The following MALRD1 variants were observed in gnomAD, a reference collection of about 807,000 sequenced individuals.
MALRD1 encodes MAM and LDL receptor class A domain containing 1, also known as MAM and LDL-receptor class A domain-containing protein 1.
Under a neutral mutation model 242.1 loss-of-function variants are expected in MALRD1, and 247 were observed. The observed-to-expected ratio is 1.02, with a 90% CI of 0.92 to 1.13. The LOEUF is 1.13. Among genes scored for constraint, MALRD1 ranks in the 50% most tolerant of loss-of-function variants. The pLI is 0.00. For synonymous variants in MALRD1, 995 were observed against 866.6 expected (o/e 1.15, Z -2.60); for missense variants, 2,989 against 2,533.1 (o/e 1.18, Z -3.86).
At chr10:19,118,492 A>G (rs955852032) in intron 5 of MALRD1, among the ~76,000 whole-genome samples, 1 of 152,182 alleles carries the variant, frequency 6.6e-6, no homozygotes, top group Non-Finnish European at 1.5e-5. Flanking sequence ...CCATTGGTTG[A>G]GTTATTATCT....
chr10:19,051,616 A>G (rs1247256518), intron 1 of MALRD1: 1 of 155,370 alleles, frequency 6.4e-6, no homozygotes, highest in African/African-American at 2.4e-5. Flanking sequence ...TTGGACCTCC[A>G]AGAACAATTT....
chr10:19,186,163 GA>G (rs751529720), intron 14 of MALRD1, among the ~76,000 whole-genome samples: 1 of 151,934 alleles, frequency 6.6e-6, no homozygotes. Flanking sequence ...TCTCTGTAGG[GA>G]AAAAAGGCTA....
chr10:19,418,946 A>G (rs931260666), intron 28 of MALRD1, among the ~76,000 whole-genome samples: 1 of 152,126 alleles, frequency 6.6e-6, no homozygotes, highest in Non-Finnish European at 1.5e-5. Context: ...CTTGAAAGCT[A>G]TTCTGTCTAT....
intron 14 of MALRD1, among the ~76,000 whole-genome samples, chr10:19,182,512 A>G (rs374711278): frequency 6.6e-6 from 1 of 150,828 alleles, no homozygotes; most frequent in Non-Finnish European, 1.5e-5. Flanking sequence ...GTATTTTTTT[A>G]GTAGAGACGG....
At chr10:19,678,860 G>C (rs1168602067) in intron 36 of MALRD1, among the ~76,000 whole-genome samples, 1 of 152,078 alleles carries the variant, frequency 6.6e-6, no homozygotes, top group Non-Finnish European at 1.5e-5. Flanking sequence ...TAACAGGAAG[G>C]GATGTGGTAT....
chr10:19,234,113 A>T (rs924024119), intron 18 of MALRD1, among the ~76,000 whole-genome samples: 1 of 152,152 alleles, frequency 6.6e-6, no homozygotes. Flanking sequence ...TAAAATTTAA[A>T]TTAAATTAGG....
intron 33 of MALRD1, among the ~76,000 whole-genome samples, chr10:19,576,050 AG>A (rs1836806930): frequency 6.6e-6 from 1 of 152,238 alleles, no homozygotes; most frequent in Non-Finnish European, 1.5e-5. Flanking sequence ...GTTTACTGAA[AG>A]GATATTGGAT....
At chr10:19,204,281 GTTT>G (rs71387054) in intron 15 of MALRD1, 24 bp from the exon 16 acceptor site, 3,040 of 1,033,594 alleles carry the variant, frequency 2.9e-3, no homozygotes, top group Non-Finnish European at 3.3e-3. Flanking sequence ...TTAATGAAGC[GTTT>G]TTTTTTTTTT....
chr10:19,074,600 C>T (rs2131264547), intron 2 of MALRD1, among the ~76,000 whole-genome samples: 1 of 128,286 alleles, frequency 7.8e-6, no homozygotes, highest in East Asian at 2.2e-4. Flanking sequence ...AACTTAGATA[C>T]TTATTTGAAT....
At chr10:19,586,829 C>T (rs945460920) in intron 33 of MALRD1, among the ~76,000 whole-genome samples, 1 of 152,260 alleles carries the variant, frequency 6.6e-6, no homozygotes, top group African/African-American at 2.4e-5. Context: ...CCCAGCCTCG[C>T]TGCCGCCTTG....
intron 29 of MALRD1, among the ~76,000 whole-genome samples, chr10:19,451,001 A>G (rs1313258727): frequency 6.6e-6 from 1 of 152,210 alleles, no homozygotes; most frequent in Non-Finnish European, 1.5e-5. Flanking sequence ...TTAGGATTTC[A>G]ACATATGAAT....
chr10:19,431,650 C>G (rs2483093), intron 28 of MALRD1, among the ~76,000 whole-genome samples: 93,440 of 151,520 alleles, frequency 0.62, 28,969 homozygotes, highest in Middle Eastern at 0.7. Flanking sequence ...GAAATTGGTA[C>G]AAGCATCTTG....
At chr10:19,087,596 T>C (rs1835713905) in intron 2 of MALRD1, among the ~76,000 whole-genome samples, 1 of 151,716 alleles carries the variant, frequency 6.6e-6, no homozygotes, top group Non-Finnish European at 1.5e-5. Flanking sequence ...TGTATATCTA[T>C]GGGGTACATG....
intron 28 of MALRD1, among the ~76,000 whole-genome samples, chr10:19,393,419 T>G (rs929765277): frequency 1.3e-5 from 2 of 150,894 alleles, no homozygotes; most frequent in African/African-American, 4.9e-5. Context: ...TATTTTCTAG[T>G]CACTTGTTTC....
At chr10:19,500,614 G>A (rs999280168) in intron 31 of MALRD1, among the ~76,000 whole-genome samples, 1 of 152,154 alleles carries the variant, frequency 6.6e-6, no homozygotes, top group Non-Finnish European at 1.5e-5. Flanking sequence ...AATTTACAAA[G>A]CATTTTGGCC....
At chr10:19,146,846 G>A (rs1833743621) in intron 11 of MALRD1, among the ~76,000 whole-genome samples, 2 of 152,074 alleles carry the variant, frequency 1.3e-5, no homozygotes, top group Non-Finnish European at 2.9e-5. Context: ...CATCATTCCA[G>A]TGTTTACATA....
chr10:19,276,693 G>A (rs1333289439), intron 19 of MALRD1, among the ~76,000 whole-genome samples: 1 of 151,748 alleles, frequency 6.6e-6, no homozygotes, highest in Non-Finnish European at 1.5e-5. Context: ...TTATAACGTT[G>A]GATCCGTCAG....
chr10:19,634,308 A>G (rs1276837037), intron 36 of MALRD1, among the ~76,000 whole-genome samples: 1 of 152,126 alleles, frequency 6.6e-6, no homozygotes, highest in Non-Finnish European at 1.5e-5. Flanking sequence ...CAGCTCACCT[A>G]CTTAGTCGAT....
In MALRD1 at chr10:19,063,220, A is replaced by G. The variant is rs115565308; in HGVS notation, c.200-3499A>G. ...ACAAGGGTAGGACTCTGATGGGAAG[A>G]CTACAACTGTGCCTTATAGAACCTG... On this transcript the variant is annotated intron_variant, in intron 1 of 39. Coordinates refer to ENST00000454679, the MANE Select transcript of MALRD1 (RefSeq NM_001142308.3). Among the ~76,000 whole-genome samples the G allele has an allele frequency of 6.0e-3, 917 of 152,270 alleles. 9 individuals carry two copies. Among genetic ancestry groups the G allele is most frequent in the African/African-American group, 0.021 (880 of 41,546 alleles).
Sources: allele counts gnomAD v4.1 joint callset (sites outside exome capture counted in the v4.1 genomes callset), GRCh38; gene constraint gnomAD v4.1.1; transcripts MANE v1.5; gene names NCBI Gene and HGNC (gene_info 2026-07-23, HGNC 2026-07-21).